The following HELZ variants were observed in gnomAD, a reference collection of about 807,000 sequenced individuals.
HELZ encodes the protein ATP-dependent RNA helicase with zinc finger domain.
A neutral mutation model predicts 218.2 loss-of-function variants in HELZ; 23 were observed. That is an observed-to-expected ratio of 0.11 (90% CI 0.08 to 0.15). The LOEUF is 0.15. HELZ is among the 10% of genes least tolerant of loss of function. The pLI is 1.00. For missense variants in HELZ, 1,813 were observed against 2,353.7 expected (o/e 0.77, Z 4.75); for synonymous variants, 814 against 829.4 (o/e 0.98, Z 0.32).
intron 15 of HELZ, among the ~76,000 whole-genome samples, chr17:67,165,860 C>A (rs2039127183): frequency 6.6e-6 from 1 of 152,296 alleles, no homozygotes; most frequent in Non-Finnish European, 1.5e-5. Flanking sequence ...TAAATTAGGA[C>A]ATGTGTAGTA....
chr17:67,190,416 T>C, intron 9 of HELZ, 61 bp from the exon 10 acceptor site: 1 of 1,280,320 alleles, frequency 7.8e-7, no homozygotes, highest in Non-Finnish European at 1.1e-6. Context: ...AAAAATAAAC[T>C]CCCAGCATTT....
chr17:67,244,720 G>A, intron 1 of HELZ: 1 of 984,926 alleles, frequency 1.0e-6, no homozygotes, highest in Non-Finnish European at 1.2e-6. Context: ...GGCCTGAGGG[G>A]GGGCATCGAG....
chr17:67,176,676 A>AAAATAC (rs1291446220), intron 13 of HELZ: 1 of 152,156 alleles, frequency 6.6e-6, no homozygotes, highest in Non-Finnish European at 1.5e-5. Flanking sequence ...ATCTCTACAA[A>AAAATAC]AAATACAAAA....
chr17:67,163,516 A>G (rs1425939589), intron 15 of HELZ, among the ~76,000 whole-genome samples: 1 of 151,854 alleles, frequency 6.6e-6, no homozygotes, highest in African/African-American at 2.4e-5. Flanking sequence ...CTCCTGCCTC[A>G]GCCTCCCGAG....
rs1201368520 is a variant in HELZ at position 67,086,762 on chromosome 17, G to A, written c.5494+67C>T. The A allele has an allele frequency of 2.6e-6, 4 of 1,561,940 alleles. No homozygotes were observed. In the East Asian group the frequency reaches 9.0e-5, roughly 35 times the overall value. On this transcript the variant is annotated intron_variant, in intron 32 of 32. Coordinates refer to ENST00000358691, the MANE Select transcript of HELZ (RefSeq NM_014877.4). ...CAAATTGGGGGCAGGTGGTATAGAA[G>A]AAAAACTCCACAGATATCCGGGAGC...
intron 16 of HELZ, among the ~76,000 whole-genome samples, chr17:67,160,626 TACC>T (rs1336982185): frequency 2.6e-5 from 4 of 152,204 alleles, no homozygotes; most frequent in African/African-American, 9.7e-5. Context: ...CTCTAATAGA[TACC>T]ACAATTCCAT....
chr17:67,217,991 G>A (rs915206933), intron 4 of HELZ, among the ~76,000 whole-genome samples: 1 of 151,392 alleles, frequency 6.6e-6, no homozygotes, highest in Non-Finnish European at 1.5e-5. Context: ...CTGGAGGGCA[G>A]TGGTGCAACC....
chr17:67,185,411 C>A (rs1038527029), intron 12 of HELZ, among the ~76,000 whole-genome samples: 2 of 152,104 alleles, frequency 1.3e-5, no homozygotes, highest in Non-Finnish European at 2.9e-5. Context: ...GGACTCTCCA[C>A]ATAATCACAA....
At position 67,194,039 on chromosome 17, in the gene HELZ, G is replaced by C. The variant is rs1235396447; in HGVS notation, c.485C>G (p.Ser162Cys). 6.2e-7 allele frequency: 1 copy of C among 1,608,778 alleles called. No individual in the cohort carries two copies. Among genetic ancestry groups the C allele is most frequent in the Non-Finnish European group, 8.5e-7 (1 of 1,175,908 alleles). ...GYHVEDLDEG[S>C]CNGWHFRPPP... ...TGGGCGGAAATGCCAACCATTACAAGACCCTAGGGAGTAATTAGGATATAG... is the reference window on the plus strand; with the variant it reads ...TGGGCGGAAATGCCAACCATTACAACACCCTAGGGAGTAATTAGGATATAG... Residue 162 changes from serine (S) to cysteine (C), a missense_variant, in exon 9 of 33, where the codon TCT (serine) becomes TGT (cysteine). By Grantham distance (112) the Ser-to-Cys change is moderately radical. Coordinates refer to ENST00000358691, the MANE Select transcript of HELZ (RefSeq NM_014877.4).
chr17:67,175,919 T>C (rs1465667973), intron 13 of HELZ, among the ~76,000 whole-genome samples: 1 of 152,162 alleles, frequency 6.6e-6, no homozygotes, highest in Non-Finnish European at 1.5e-5. Context: ...ATGATATAAC[T>C]TTAAAGATTA....
intron 12 of HELZ, among the ~76,000 whole-genome samples, chr17:67,180,563 G>C (rs2039577980): frequency 6.6e-6 from 1 of 152,062 alleles, no homozygotes; most frequent in Admixed American, 6.6e-5. Flanking sequence ...AGCCAACATG[G>C]AGAAATCCTG....
intron 31 of HELZ, among the ~76,000 whole-genome samples, chr17:67,104,410 G>A (rs1229301548): frequency 6.7e-6 from 1 of 149,410 alleles, no homozygotes; most frequent in African/African-American, 2.4e-5. Context: ...CTGCACTCCA[G>A]CCTGTGCAAC....
intron 17 of HELZ, among the ~76,000 whole-genome samples, chr17:67,159,331 A>G (rs1409329163): frequency 9.2e-5 from 14 of 151,826 alleles, no homozygotes; most frequent in African/African-American, 4.8e-5. Flanking sequence ...GGGTCACACC[A>G]CTTTTTTCCT....
Position 67,215,918 on chromosome 17 carries a change from A to G in HELZ, c.228T>C (p.Ala76=), listed in dbSNP as rs767237556. The G allele has an allele frequency of 6.4e-7, 1 of 1,556,280 alleles. No homozygotes were observed. The highest frequency in any genetic ancestry group is 1.1e-5 in the South Asian group (1 of 88,762). ...ACATACCATGTCTACAATCTTCATC[A>G]GCTTGCACATAATTTTTCTGCAAAA... is the stretch of plus-strand genomic sequence containing the variant. ...SFLQLKNYVQ[A]DEDCRHVLGE... The change falls in exon 5 of 33, where the codon GCT becomes GCC. Residue 76 remains alanine (A), a synonymous_variant. Transcript: ENST00000358691.
intron 3 of HELZ, among the ~76,000 whole-genome samples, chr17:67,236,425 A>T (rs1299827058): frequency 6.6e-6 from 1 of 152,194 alleles, no homozygotes; most frequent in South Asian, 2.1e-4. Context: ...TCCAAAATTT[A>T]TCCTTAAGAT....
At chr17:67,178,629 T>C (rs750659160) in intron 13 of HELZ, 30 bp downstream of exon 13, 1 of 1,564,890 alleles carries the variant, frequency 6.4e-7, no homozygotes, top group Non-Finnish European at 8.7e-7. Flanking sequence ...GGGAGATTTT[T>C]TGTTTTAAAG....
chr17:67,091,699 CT>C (rs1383992309), intron 31 of HELZ, among the ~76,000 whole-genome samples: 3 of 152,080 alleles, frequency 2.0e-5, no homozygotes, highest in Admixed American at 6.5e-5. Flanking sequence ...TACATACTGC[CT>C]GGTAATTTTT....
chr17:67,107,712 A>G, intron 30 of HELZ, 27 bp from the exon 31 acceptor site: 1 of 1,577,562 alleles, frequency 6.3e-7, no homozygotes, highest in Non-Finnish European at 8.6e-7. Flanking sequence ...AAATATGAGG[A>G]GAAAACAAAA....
chr17:67,238,205 G>A (rs2143495019), intron 3 of HELZ, among the ~76,000 whole-genome samples: 1 of 151,046 alleles, frequency 6.6e-6, no homozygotes, highest in South Asian at 2.1e-4. Context: ...AATTAGCCAG[G>A]CATGGTGGCA....
Sources: gnomAD v4.1 joint callset for allele counts (sites outside exome capture counted in the v4.1 genomes callset) on GRCh38, gnomAD v4.1.1 for gene constraint, MANE v1.5 for transcripts, NCBI Gene and HGNC (gene_info 2026-07-23, HGNC 2026-07-21) for gene names.